Variants in KCNH2 observed in about 807,000 individuals in gnomAD.
KCNH2 encodes the protein voltage-gated inwardly rectifying potassium channel KCNH2.
In KCNH2, 35 loss-of-function variants were observed where a neutral mutation model predicts 95.9. That is an observed-to-expected ratio of 0.37 (90% CI 0.28 to 0.48). KCNH2 has a LOEUF of 0.48. Among genes scored for constraint, KCNH2 ranks in the 20% least tolerant of loss-of-function variants. The pLI is 0.99. For missense variants in KCNH2, 1,274 were observed against 1,702.9 expected (o/e 0.75, Z 4.43); for synonymous variants, 786 against 754.7 (o/e 1.04, Z -0.68).
intron 9 of KCNH2, chr7:150,949,428 T>TC: frequency 1.9e-6 from 2 of 1,030,836 alleles, no homozygotes; most frequent in Non-Finnish European, 2.4e-6. Context: ...TTTTTTTTTT[T>TC]TTTTTACTGA....
rs1313416768 is a variant in KCNH2 at position 150,958,518 on chromosome 7, G to A, written c.473-16C>T. The stretch of plus-strand genomic sequence containing the variant: ...TTGGCGCGGCCTGCGGGAGAGGAGA[G>A]GCACGTGGTCGTGGGGATCGCGAGC... On this transcript the variant is annotated splice_polypyrimidine_tract_variant and intron_variant, in intron 3 of 14. Coordinates refer to ENST00000262186, the MANE Select transcript of KCNH2 (RefSeq NM_000238.4). 2.7e-6 allele frequency: 4 copies of A among 1,473,744 alleles called. No homozygotes were observed. The highest frequency in any genetic ancestry group is 3.0e-5 in the East Asian group (1 of 33,834). 91.3% of individuals were successfully genotyped at this position (1,473,744 alleles called of 1,614,324 possible). A position where few individuals can be genotyped will look rare whatever the true frequency, so the allele number is the denominator to read the frequency against.
chr7:150,978,219 C>T lies in KCNH2; in HGVS notation c.-306G>A, dbSNP rs1244030659. On this transcript the variant is annotated 5_prime_UTR_variant, in exon 1 of 15. Coordinates refer to ENST00000262186, the MANE Select transcript of KCNH2 (RefSeq NM_000238.4). ...CGTCCCCGCGCTGCGCTCCGCCCGC[C>T]CGAGCCCCGGACTCCTGGCTCCCGC... 2 of 146,652 alleles carry T rather than the reference C, an allele frequency of 1.4e-5. No homozygotes were observed. Among genetic ancestry groups the T allele is most frequent in the Non-Finnish European group, 3.0e-5 (2 of 65,864 alleles). 9.1% of individuals were successfully genotyped at this position (146,652 alleles called of 1,614,324 possible). A position where few individuals can be genotyped will look rare whatever the true frequency, so the allele number is the denominator to read the frequency against.
At position 150,945,509 on chromosome 7, in the gene KCNH2, G is replaced by C; in HGVS notation, c.3336C>G (p.Ser1112=). The change falls in exon 15 of 15, where the codon TCC becomes TCG. Residue 1112 remains serine, a synonymous_variant. Transcript: ENST00000262186. This position sits in a 1 kb window ranked among gnomAD's most constrained non-coding sequence, Gnocchi z 5.6. ...GCAGCTCCTCACACGCCATGAACTG[G>C]GAAACCTGCAATACACACAGAGCAT... ...TLTLDSLSQV[S]QFMACEELPP... 1.3e-6 allele frequency: 2 copies of C among 1,558,830 alleles called. No homozygotes were observed. Among genetic ancestry groups the C allele is most frequent in the Non-Finnish European group, 1.7e-6 (2 of 1,151,480 alleles).
chr7:150,961,630 C>T lies in KCNH2; in HGVS notation c.308-1894G>A, dbSNP rs1801569553. On this transcript the variant is annotated intron_variant, in intron 2 of 14. Transcript: ENST00000262186. The surrounding 1 kb of genome is among the most constrained non-coding windows in gnomAD (Gnocchi z 6.2). ...TCACCTTTCTACCTCCTAGAGCCTC[C>T]CTGGCTCACCCCTACTCCTGATCTC... Among the ~76,000 whole-genome samples the T allele has an allele frequency of 6.6e-6, 1 of 152,170 alleles. No homozygotes were observed. Among genetic ancestry groups the T allele is most frequent in the African/African-American group, 2.4e-5 (1 of 41,448 alleles).
chr7:150,947,299 G>T, intron 13 of KCNH2, 29 bp downstream of exon 13: 1 of 1,518,878 alleles, frequency 6.6e-7, no homozygotes, highest in Non-Finnish European at 8.8e-7. Context: ...TCCAGGGCGT[G>T]CCCCCCCACC....
rs1187840722 is a variant in KCNH2 at position 150,945,716 on chromosome 7, G to A, written c.3331-202C>T. 6.6e-6 allele frequency among the ~76,000 whole-genome samples: 1 copy of A among 152,186 alleles called. No homozygotes were observed. The highest frequency in any genetic ancestry group is 1.5e-5 in the Non-Finnish European group (1 of 68,038). On this transcript the variant is annotated intron_variant, in intron 14 of 14. Transcript: ENST00000262186. This position sits in a 1 kb window ranked among gnomAD's most constrained non-coding sequence, Gnocchi z 5.6. The stretch of plus-strand genomic sequence containing the variant: ...AGGGGCCACCAAGGGGAGGCACCAA[G>A]GTGGGAAGTAGAGAAAGGCATTCTC...
rs1383803455 is a variant in KCNH2 at position 150,958,283 on chromosome 7, C to T, written c.692G>A (p.Arg231Gln). ...AGAGCCGGGACCCACCAGCGCACGC[C>T]GCTCCTCCGCGGGCCCGAGCCCTGC... ...HVAGLGPAEERRALVGPGSPP... is the reference protein window; with the variant it reads ...HVAGLGPAEEQRALVGPGSPP... Residue 231 changes from arginine (R) to glutamine (Q), a missense_variant, in exon 4 of 15, where the codon CGG (arginine) becomes CAG (glutamine). By Grantham distance (43) the Arg-to-Gln change is conservative. Transcript: ENST00000262186. The T allele has an allele frequency of 1.4e-6, 2 of 1,460,228 alleles. No individual in the cohort carries two copies. The highest frequency in any genetic ancestry group is 1.3e-5 in the South Asian group (1 of 76,284). 90.5% of individuals were successfully genotyped at this position (1,460,228 alleles called of 1,614,324 possible).
rs199473014 is a variant in KCNH2 at position 150,947,684 on chromosome 7, G to T, written c.2887C>A (p.Pro963Thr). 33 of 1,601,002 alleles carry T rather than the reference G, an allele frequency of 2.1e-5. No homozygotes were observed. Among genetic ancestry groups the T allele is most frequent in the Non-Finnish European group, 2.6e-5 (31 of 1,174,630 alleles). ...LRLVPFSSPR[P>T]PGEPPGGEPL... ...TCCCCACCCGGCGGCTCTCCGGGGG[G>T]CCTGGGGCTGGAGAAGGGCACCAGG... Residue 963 changes from proline to threonine, a missense_variant, in exon 12 of 15, where the codon CCC (proline) becomes ACC (threonine). Coordinates refer to ENST00000262186, the MANE Select transcript of KCNH2 (RefSeq NM_000238.4).
intron 2 of KCNH2, among the ~76,000 whole-genome samples, chr7:150,964,913 T>C (rs1281530592): frequency 6.6e-6 from 1 of 152,076 alleles, no homozygotes; most frequent in Non-Finnish European, 1.5e-5. Flanking sequence ...GGCCACCGTG[T>C]CACTAACACA....
chr7:150,959,460 C>A lies in KCNH2; in HGVS notation c.472+112G>T, dbSNP rs889989075. 9.7e-6 allele frequency: 13 copies of A among 1,334,158 alleles called. 1 individual carries two copies. In the Middle Eastern group the frequency reaches 8.1e-4, roughly 84 times the overall value. 82.6% of individuals were successfully genotyped at this position (1,334,158 alleles called of 1,614,324 possible). ...TCCCACCTCCAAAGGGGGGACCCCC[C>A]ACCCAACCATTACATCCTCCCTTCC... On this transcript the variant is annotated intron_variant, in intron 3 of 14. Transcript: ENST00000262186.
At chr7:150,949,742 G>T (rs1801061122) in intron 9 of KCNH2, 1 of 1,188,570 alleles carries the variant, frequency 8.4e-7, no homozygotes, top group Non-Finnish European at 1.1e-6. Context: ...TAGAAAGGAA[G>T]TGGGGGGAGG....
intron 2 of KCNH2, among the ~76,000 whole-genome samples, chr7:150,966,388 C>T (rs1253939617): frequency 3.4e-5 from 2 of 59,384 alleles, no homozygotes; most frequent in African/African-American, 1.0e-4. Flanking sequence ...CCCTCCCCCC[C>T]CCCCACACAC....
Position 150,977,851 on chromosome 7 carries a change from C to T in KCNH2, c.63G>A (p.Lys21=). The T allele has an allele frequency of 1.4e-6, 2 of 1,448,260 alleles. No homozygotes were observed. The highest frequency in any genetic ancestry group is 1.9e-6 in the Non-Finnish European group (2 of 1,061,056). The allele number at this position is 1,448,260 out of a possible 1,614,324, so 89.7% of individuals were successfully genotyped here. A position where few individuals can be genotyped will look rare whatever the true frequency, so the allele number is the denominator to read the frequency against. ...TCCCCCACTCACTCTGGCCCTCAAA[C>T]TTGCGGATGATGGTGTCCAGGAAGG... ...QNTFLDTIIR[K]FEGQSRKFII... is the part of the protein sequence containing the mutation. Residue 21 remains lysine, a synonymous_variant, in exon 1 of 15, where the codon AAG becomes AAA. Coordinates refer to ENST00000262186, the MANE Select transcript of KCNH2 (RefSeq NM_000238.4).
rs1352957871 is a variant in KCNH2, at chr7:150,955,880, C to T, written c.1128+1411G>A. The T allele has an allele frequency of 4.0e-6, 4 of 1,000,600 alleles. No homozygotes were observed. In the South Asian group the frequency reaches 1.9e-4, roughly 46 times the overall value. 62.0% of individuals were successfully genotyped at this position (1,000,600 alleles called of 1,614,324 possible). A position where few individuals can be genotyped will look rare whatever the true frequency, so the allele number is the denominator to read the frequency against. ...CACCCCGCCACACTAGGCTCCCCCG[C>T]CCCGCCGGTGCCCAGCCAGCGGCCC... On this transcript the variant is annotated intron_variant, in intron 5 of 14. Transcript: ENST00000262186.
intron 3 of KCNH2, 124 bp downstream of exon 3, chr7:150,959,448 G>T: frequency 8.2e-7 from 1 of 1,218,644 alleles, no homozygotes; most frequent in Non-Finnish European, 1.2e-6. Flanking sequence ...CACCTCCAAA[G>T]GGGGGACCCC....
At chr7:150,951,385 T>C (rs1030024317) in intron 7 of KCNH2, 63 bp downstream of exon 7, 6 of 1,600,630 alleles carry the variant, frequency 3.7e-6, no homozygotes, top group Non-Finnish European at 5.1e-6. Flanking sequence ...CAGCCTCAGT[T>C]TCCTCCAACT....
At position 150,945,424 on chromosome 7, in the gene KCNH2, G is replaced by A. The variant is rs1332061041; in HGVS notation, c.3421C>T (p.Gln1141Ter). The A allele has an allele frequency of 6.3e-7, 1 of 1,576,166 alleles. No homozygotes were observed. The highest frequency in any genetic ancestry group is 8.6e-7 in the Non-Finnish European group (1 of 1,160,976). Residue 1141 changes from glutamine to a stop codon, truncating the protein, a stop_gained, in exon 15 of 15, where the codon CAG becomes TAG. Transcript: ENST00000262186. LOFTEE classifies it high-confidence loss of function. This position sits in a 1 kb window ranked among gnomAD's most constrained non-coding sequence, Gnocchi z 5.6. ...GPTRRLSLPG[Q>*]LGALTSQPLH... ...GGCTGGGAGGTGAGGGCCCCCAGCTGGCCCGGTAGGGAGAGGCGTCGTGTG... is the reference window on the plus strand; with the variant it reads ...GGCTGGGAGGTGAGGGCCCCCAGCTAGCCCGGTAGGGAGAGGCGTCGTGTG...
chr7:150,960,865 G>T (rs1443008641), intron 2 of KCNH2, among the ~76,000 whole-genome samples: 2 of 35,354 alleles, frequency 5.7e-5, no homozygotes, highest in Admixed American at 2.6e-4. Flanking sequence ...CTGCCCCACC[G>T]CCCCCCGCCC....
chr7:150,967,135 C>T (rs933969965), intron 2 of KCNH2, among the ~76,000 whole-genome samples: 14 of 152,022 alleles, frequency 9.2e-5, no homozygotes, highest in Admixed American at 7.2e-4. Context: ...AAAAATTAGC[C>T]GGATGTGGTG....
Sources: gnomAD v4.1 joint callset for allele counts (sites outside exome capture counted in the v4.1 genomes callset) on GRCh38, gnomAD v4.1.1 for gene constraint, Gnocchi (gnomAD v3.1) non-coding constraint, MANE v1.5 for transcripts, NCBI Gene and HGNC (gene_info 2026-07-23, HGNC 2026-07-21) for gene names.